Variants in TENT4B observed in about 807,000 individuals in gnomAD.
TENT4B encodes PAP associated domain containing 5.
TENT4B carries 10 observed loss-of-function variants against 75.0 expected under a neutral mutation model. The observed-to-expected ratio is 0.13, with a 90% CI of 0.08 to 0.23. TENT4B has a LOEUF of 0.23. Among genes scored for constraint, TENT4B ranks in the 10% least tolerant of loss-of-function variants. TENT4B has a pLI of 1.00. For missense variants in TENT4B, 579 were observed against 893.8 expected (o/e 0.65, Z 4.49); for synonymous variants, 350 against 357.7 (o/e 0.98, Z 0.24).
rs1376184207 is a variant in TENT4B at position 50,234,380 on chromosome 16, T to G, written c.*5052T>G. 2 of 985,344 alleles carry G rather than the reference T, an allele frequency of 2.0e-6. No homozygotes were observed. Among genetic ancestry groups the G allele is most frequent in the East Asian group, 1.1e-4 (1 of 8,824 alleles). 61.0% of individuals were successfully genotyped at this position (985,344 alleles called of 1,614,324 possible). On this transcript the variant is annotated 3_prime_UTR_variant, in exon 12 of 12. Transcript: ENST00000561678. ...CCAGCAACTTGGTGAAGTTCAGTACTTGCCTCTTAGAGGTTAGGCCATGCC... is the reference window on the plus strand; with the variant it reads ...CCAGCAACTTGGTGAAGTTCAGTACGTGCCTCTTAGAGGTTAGGCCATGCC...
chr16:50,195,168 G>A (rs2150714534), intron 1 of TENT4B, among the ~76,000 whole-genome samples: 1 of 152,220 alleles, frequency 6.6e-6, no homozygotes, highest in South Asian at 2.1e-4. Context: ...GTTAAATTCT[G>A]CCTAGTTTGA....
At chr16:50,169,548 G>C (rs965800079) in intron 1 of TENT4B, among the ~76,000 whole-genome samples, 1 of 152,064 alleles carries the variant, frequency 6.6e-6, no homozygotes, top group Non-Finnish European at 1.5e-5. Flanking sequence ...GTTTATGATA[G>C]TCTCTTGATG....
intron 11 of TENT4B, 119 bp downstream of exon 11, chr16:50,228,122 T>C (rs759789386): frequency 7.8e-6 from 10 of 1,276,938 alleles, no homozygotes; most frequent in South Asian, 3.0e-5. Context: ...AACAAACTTA[T>C]TTTATTCTAA....
Position 50,178,984 on chromosome 16 carries a change from C to G in TENT4B, c.638+24725C>G, listed in dbSNP as rs369220688. ...TACATTTTATGTTACATATGTTTTA[C>G]AACAATTTTTACAGATGGAAAAAAA... On this transcript the variant is annotated intron_variant, in intron 1 of 11. Coordinates refer to ENST00000561678, the MANE Select transcript of TENT4B (RefSeq NM_001365324.3). Among the ~76,000 whole-genome samples the G allele has an allele frequency of 2.6e-5, 4 of 152,166 alleles. No homozygotes were observed. The South Asian group carries it at 8.3e-4, about 32-fold the overall frequency.
intron 1 of TENT4B, among the ~76,000 whole-genome samples, chr16:50,202,100 A>G (rs554135675): frequency 1.3e-5 from 2 of 152,366 alleles, no homozygotes; most frequent in East Asian, 3.9e-4. Context: ...ACTAATAGTT[A>G]AAACATTTGA....
At chr16:50,227,747 G>C in intron 10 of TENT4B, 92 bp from the exon 11 acceptor site, 1 of 1,397,880 alleles carries the variant, frequency 7.2e-7, no homozygotes, top group Non-Finnish European at 9.9e-7. Context: ...ATTTAGTCCA[G>C]AGAGTACTTT....
At chr16:50,210,874 C>G (rs1173111136) in intron 1 of TENT4B, among the ~76,000 whole-genome samples, 1 of 152,186 alleles carries the variant, frequency 6.6e-6, no homozygotes, top group East Asian at 1.9e-4. Flanking sequence ...TGCTGTTGTT[C>G]ACTGCCTGAT....
intron 10 of TENT4B, among the ~76,000 whole-genome samples, chr16:50,227,087 G>A (rs2032090649): frequency 6.6e-6 from 1 of 152,236 alleles, no homozygotes. Context: ...TTTATTAAGT[G>A]TAGGACATGA....
Position 50,234,080 on chromosome 16 carries a change from G to A in TENT4B, c.*4752G>A, listed in dbSNP as rs1189101843. 14 of 985,276 alleles carry A rather than the reference G, an allele frequency of 1.4e-5. No homozygotes were observed. Among genetic ancestry groups the A allele is most frequent in the African/African-American group, 7.0e-5 (4 of 57,206 alleles). 61.0% of individuals were successfully genotyped at this position (985,276 alleles called of 1,614,324 possible). A position where few individuals can be genotyped will look rare whatever the true frequency, so the allele number is the denominator to read the frequency against. ...GGTCTCTCCTAAGGACAGTCTGGAC[G>A]TATTTTGGGGGAATGTTATTTATCT... On this transcript the variant is annotated 3_prime_UTR_variant, in exon 12 of 12. Coordinates refer to ENST00000561678, the MANE Select transcript of TENT4B (RefSeq NM_001365324.3).
At chr16:50,194,672 C>G (rs1448748088) in intron 1 of TENT4B, among the ~76,000 whole-genome samples, 1 of 151,722 alleles carries the variant, frequency 6.6e-6, no homozygotes, top group East Asian at 1.9e-4. Flanking sequence ...CACTTCAGCA[C>G]CCCTCCACCC....
At chr16:50,215,345 G>A (rs1202596530) in intron 3 of TENT4B, among the ~76,000 whole-genome samples, 2 of 152,038 alleles carry the variant, frequency 1.3e-5, no homozygotes, top group South Asian at 2.1e-4. Flanking sequence ...GGCAATTTCC[G>A]TTCTTCTCAT....
Position 50,153,485 on chromosome 16 carries a change from C to T in TENT4B, c.-137C>T. ...CGCGACCGCGCCGCCCGCGGCGGGC[C>T]CCGAGCAGCAGCAGCAGCAGCAGCG... On this transcript the variant is annotated 5_prime_UTR_variant, in exon 1 of 12. Transcript: ENST00000561678. The T allele has an allele frequency of 1.0e-6, 1 of 957,346 alleles. No individual in the cohort carries two copies. Among genetic ancestry groups the T allele is most frequent in the South Asian group, 4.8e-5 (1 of 20,760 alleles). 59.3% of individuals were successfully genotyped at this position (957,346 alleles called of 1,614,324 possible).
intron 1 of TENT4B, among the ~76,000 whole-genome samples, chr16:50,210,040 G>A (rs2031196411): frequency 6.6e-6 from 1 of 151,998 alleles, no homozygotes; most frequent in African/African-American, 2.4e-5. Context: ...CCTTACCACT[G>A]CTGTGCCCCA....
chr16:50,181,070 GT>G (rs1206398439), intron 1 of TENT4B, among the ~76,000 whole-genome samples: 5 of 152,236 alleles, frequency 3.3e-5, no homozygotes, highest in African/African-American at 1.2e-4. Context: ...CTCAGGCCTT[GT>G]AACACAATTG....
chr16:50,205,690 A>C (rs2030923632), intron 1 of TENT4B, among the ~76,000 whole-genome samples: 1 of 141,644 alleles, frequency 7.1e-6, no homozygotes, highest in Non-Finnish European at 1.5e-5. Context: ...TCCTGGGTTC[A>C]AGTGATTCTC....
intron 1 of TENT4B, among the ~76,000 whole-genome samples, chr16:50,171,837 C>T (rs1177316705): frequency 6.6e-6 from 1 of 151,930 alleles, no homozygotes. Flanking sequence ...TGGTGGTGTG[C>T]ACTTGTAATC....
At chr16:50,162,899 G>A (rs1273497533) in intron 1 of TENT4B, among the ~76,000 whole-genome samples, 1 of 152,084 alleles carries the variant, frequency 6.6e-6, no homozygotes, top group Non-Finnish European at 1.5e-5. Flanking sequence ...TATATTTTAG[G>A]GAGTAAACCT....
intron 3 of TENT4B, among the ~76,000 whole-genome samples, chr16:50,215,192 G>A (rs17286962): frequency 0.035 from 5,335 of 152,204 alleles, 118 homozygotes; most frequent in Middle Eastern, 0.044. Context: ...AATTGAAATT[G>A]TTTGAACATT....
chr16:50,183,300 T>A (rs1424982292), intron 1 of TENT4B, among the ~76,000 whole-genome samples: 1 of 152,012 alleles, frequency 6.6e-6, no homozygotes, highest in African/African-American at 2.4e-5. Context: ...CACCTGAGCC[T>A]CCCAAAGTGC....
Sources: gnomAD v4.1 joint callset for allele counts (sites outside exome capture counted in the v4.1 genomes callset) on GRCh38, gnomAD v4.1.1 for gene constraint, MANE v1.5 for transcripts, NCBI Gene and HGNC (gene_info 2026-07-23, HGNC 2026-07-21) for gene names.